Variants in PLPPR4 observed in about 807,000 individuals in gnomAD.
The protein encoded by PLPPR4 is phospholipid phosphatase-related protein type 4.
Under a neutral mutation model 56.6 loss-of-function variants are expected in PLPPR4, and 24 were observed. That is an observed-to-expected ratio of 0.42 (90% CI 0.31 to 0.60). The LOEUF is 0.60. Among genes scored for constraint, PLPPR4 ranks in the 20% least tolerant of loss-of-function variants. The probability of loss-of-function intolerance (pLI) is 0.13; values close to 1 mark genes in which losing one functional copy is unlikely to be tolerated. For synonymous variants in PLPPR4, 326 were observed against 328.1 expected (o/e 0.99, Z 0.07); for missense variants, 654 against 885.8 (o/e 0.74, Z 3.32).
intron 1 of PLPPR4, among the ~76,000 whole-genome samples, chr1:99,274,490 T>C (rs1357542270): frequency 1.3e-5 from 2 of 152,166 alleles, no homozygotes; most frequent in East Asian, 3.8e-4. Flanking sequence ...CTGGTTCTCC[T>C]GATTGTTTTT....
Position 99,305,840 on chromosome 1 carries a change from C to T in PLPPR4, c.978C>T (p.Gly326=), listed in dbSNP as rs1468274687. 6.2e-7 allele frequency: 1 copy of T among 1,613,984 alleles called. No homozygotes were observed. Among genetic ancestry groups the T allele is most frequent in the Non-Finnish European group, 8.5e-7 (1 of 1,180,022 alleles). Residue 326 remains glycine, a synonymous_variant, in exon 7 of 7, where the codon GGC becomes GGT. Transcript: ENST00000370185. ...GTGATGGAATTGCTCATACAGAAGG[C>T]ATCCTCAACCGAAACCACAGAGATG... is the stretch of plus-strand genomic sequence containing the variant. ...SSSDGIAHTE[G]ILNRNHRDAS...
intron 4 of PLPPR4, 85 bp from the exon 5 acceptor site, chr1:99,300,824 C>CA (rs749039378): frequency 9.8e-7 from 1 of 1,021,876 alleles, no homozygotes; most frequent in Non-Finnish European, 1.5e-6. Flanking sequence ...TTAAGTTGAA[C>CA]ATTTTAACCA....
chr1:99,271,769 A>G (rs754593311), intron 1 of PLPPR4, among the ~76,000 whole-genome samples: 2 of 152,102 alleles, frequency 1.3e-5, no homozygotes, highest in Non-Finnish European at 2.9e-5. Context: ...AATAGAGTTT[A>G]GGAGAGTAGA....
chr1:99,264,707 C>T, intron 1 of PLPPR4, 36 bp downstream of exon 1: 1 of 1,544,590 alleles, frequency 6.5e-7, no homozygotes, highest in Non-Finnish European at 8.8e-7. Context: ...AATGCAGATC[C>T]TCTGGGCATC....
At chr1:99,266,957 A>T (rs1238748280) in intron 1 of PLPPR4, among the ~76,000 whole-genome samples, 1 of 152,200 alleles carries the variant, frequency 6.6e-6, no homozygotes, top group Non-Finnish European at 1.5e-5. Flanking sequence ...ATGTTAGTAA[A>T]ATGCTCTAGA....
intron 2 of PLPPR4, 126 bp downstream of exon 2, chr1:99,288,276 T>A (rs1659524037): frequency 4.0e-6 from 3 of 745,526 alleles, no homozygotes; most frequent in Non-Finnish European, 6.4e-6. Context: ...GTCATGTCTT[T>A]GAGATATATT....
At position 99,278,289 on chromosome 1, in the gene PLPPR4, C is replaced by T. The variant is rs546617486; in HGVS notation, c.79-9676C>T. ...TGGAATCTTACTGTATAACCTCATA[C>T]AAATCATGTAATCTCATGTAATCTC... On this transcript the variant is annotated intron_variant, in intron 1 of 6. Coordinates refer to ENST00000370185, the MANE Select transcript of PLPPR4 (RefSeq NM_014839.5). Among the ~76,000 whole-genome samples the T allele has an allele frequency of 1.4e-3, 212 of 152,020 alleles. 4 individuals carry two copies. Among genetic ancestry groups the T allele is most frequent in the Admixed American group, 1.8e-3 (28 of 15,264 alleles).
Position 99,308,114 on chromosome 1 carries a change from C to A in PLPPR4, c.*1104C>A, listed in dbSNP as rs1171861840. ...ATAGGTTGCCATCTTAACAAGTAAT[C>A]TAAAAGTCCCATTCGGTTCTACATT... On this transcript the variant is annotated 3_prime_UTR_variant, in exon 7 of 7. Transcript: ENST00000370185. The A allele has an allele frequency of 1.3e-5, 2 of 152,118 alleles. No homozygotes were observed. Among genetic ancestry groups the A allele is most frequent in the African/African-American group, 4.8e-5 (2 of 41,428 alleles). 9.4% of individuals were successfully genotyped at this position (152,118 alleles called of 1,614,324 possible). A position where few individuals can be genotyped will look rare whatever the true frequency, so the allele number is the denominator to read the frequency against.
At chr1:99,298,553 A>G (rs1232189217) in intron 3 of PLPPR4, among the ~76,000 whole-genome samples, 1 of 152,114 alleles carries the variant, frequency 6.6e-6, no homozygotes, top group African/African-American at 2.4e-5. Flanking sequence ...CTCTGTTTTA[A>G]TTAGCATTCC....
At chr1:99,268,836 G>A (rs1658976256) in intron 1 of PLPPR4, among the ~76,000 whole-genome samples, 1 of 152,180 alleles carries the variant, frequency 6.6e-6, no homozygotes, top group African/African-American at 2.4e-5. Flanking sequence ...TGCCCTTAAA[G>A]TTCCCAAGTA....
intron 5 of PLPPR4, among the ~76,000 whole-genome samples, chr1:99,301,519 A>T (rs1431752074): frequency 1.3e-5 from 2 of 152,060 alleles, no homozygotes; most frequent in Admixed American, 1.3e-4. Context: ...TATTTTTCCA[A>T]CTTTCATGTA....
intron 1 of PLPPR4, among the ~76,000 whole-genome samples, chr1:99,268,141 T>C (rs968415248): frequency 3.3e-5 from 5 of 152,236 alleles, no homozygotes; most frequent in African/African-American, 1.2e-4. Context: ...GCAAAGTTAC[T>C]TTCTATTGTT....
intron 3 of PLPPR4, chr1:99,298,723 G>T: frequency 3.6e-6 from 2 of 550,230 alleles, no homozygotes; most frequent in Non-Finnish European, 6.3e-6. Flanking sequence ...ACATGTCGTC[G>T]CTCTCAAATA....
chr1:99,282,120 A>T (rs992570591), intron 1 of PLPPR4, among the ~76,000 whole-genome samples: 10 of 152,268 alleles, frequency 6.6e-5, no homozygotes, highest in Admixed American at 2.0e-4. Flanking sequence ...TAAGAGATGT[A>T]ACAGTTTTAA....
At chr1:99,296,955 C>T (rs1182340003) in intron 3 of PLPPR4, 88 bp downstream of exon 3, 10 of 1,214,454 alleles carry the variant, frequency 8.2e-6, no homozygotes, top group Non-Finnish European at 1.1e-5. Context: ...GTCTCGTACG[C>T]TATAATTTAG....
chr1:99,299,979 A>C (rs538869472), intron 4 of PLPPR4, among the ~76,000 whole-genome samples: 7 of 152,200 alleles, frequency 4.6e-5, no homozygotes, highest in African/African-American at 1.7e-4. Flanking sequence ...TAAGTTGCCA[A>C]ATATTGACTA....
intron 6 of PLPPR4, among the ~76,000 whole-genome samples, chr1:99,303,829 G>C (rs762893149): frequency 6.6e-6 from 1 of 152,196 alleles, no homozygotes; most frequent in Non-Finnish European, 1.5e-5. Flanking sequence ...GCCAGGAATT[G>C]TGCATAAGCC....
intron 6 of PLPPR4, 144 bp from the exon 7 acceptor site, chr1:99,305,541 T>A: frequency 1.3e-6 from 1 of 774,916 alleles, no homozygotes; most frequent in Non-Finnish European, 2.1e-6. Context: ...CCTGCAAAAA[T>A]ATAGTTTTCA....
intron 1 of PLPPR4, among the ~76,000 whole-genome samples, chr1:99,275,196 G>A (rs1217562568): frequency 1.3e-5 from 2 of 152,062 alleles, no homozygotes; most frequent in African/African-American, 2.4e-5. Context: ...CTGATAAAAA[G>A]GATGGTCAGC....
Sources: allele counts gnomAD v4.1 joint callset (sites outside exome capture counted in the v4.1 genomes callset), GRCh38; gene constraint gnomAD v4.1.1; transcripts MANE v1.5; gene names NCBI Gene and HGNC (gene_info 2026-07-23, HGNC 2026-07-21).